GPX3: variants seen among roughly 807,000 people sequenced by gnomAD.
GPX3 encodes GPx-3.
Under a neutral mutation model 25.1 loss-of-function variants are expected in GPX3, and 22 were observed. That is an observed-to-expected ratio of 0.88 (90% CI 0.63 to 1.25). The LOEUF (loss-of-function observed/expected upper bound fraction) is 1.25. Ranked by LOEUF, GPX3 falls within the 50% of genes most tolerant of loss-of-function variation. GPX3 has a pLI of 0.00. For missense variants in GPX3, 278 were observed against 286.6 expected (o/e 0.97, Z 0.22); for synonymous variants, 110 against 114.5 (o/e 0.96, Z 0.25).
intron 4 of GPX3, 93 bp from the exon 5 acceptor site, chr5:151,027,816 T>C (rs553621726): frequency 9.1e-7 from 1 of 1,094,216 alleles, no homozygotes; most frequent in South Asian, 1.3e-5. Context: ...GGGGCTCTTT[T>C]CTCAGGGCCA....
chr5:151,023,901 C>T (rs1756511408), intron 1 of GPX3, among the ~76,000 whole-genome samples: 1 of 152,200 alleles, frequency 6.6e-6, no homozygotes, highest in African/African-American at 2.4e-5. Flanking sequence ...AGGGAATGGC[C>T]TGGCGGAGGA....
chr5:151,020,942 T>C (rs552934238), intron 1 of GPX3: 7 of 670,862 alleles, frequency 1.0e-5, no homozygotes, highest in East Asian at 8.4e-5. Flanking sequence ...GTTCCATCTG[T>C]TGGAGAGCCG....
chr5:151,023,940 T>C (rs1756511997), intron 1 of GPX3, among the ~76,000 whole-genome samples: 1 of 152,222 alleles, frequency 6.6e-6, no homozygotes, highest in South Asian at 2.1e-4. Flanking sequence ...TCAGCAGACC[T>C]GCTTCATGAC....
At chr5:151,020,853 A>C in intron 1 of GPX3, 112 bp downstream of exon 1, 2 of 1,023,548 alleles carry the variant, frequency 2.0e-6, no homozygotes, top group South Asian at 2.7e-5. Context: ...GGCAATCCCC[A>C]GGTGCGAGAG....
At position 151,021,738 on chromosome 5, in the gene GPX3, A is replaced by C. The variant is rs1756480067; in HGVS notation, c.87+997A>C. 3 of 152,632 alleles carry C rather than the reference A, an allele frequency of 2.0e-5. No individual in the cohort carries two copies. The South Asian group carries it at 6.2e-4, about 32-fold the overall frequency. 9.5% of individuals were successfully genotyped at this position (152,632 alleles called of 1,614,324 possible). A position where few individuals can be genotyped will look rare whatever the true frequency, so the allele number is the denominator to read the frequency against. ...GTATGTACTGGGGTGGGCTCTGTAG[A>C]CCTCTCCTCTACCCAGGGAGTGGGA... is the stretch of plus-strand genomic sequence containing the variant. On this transcript the variant is annotated intron_variant, in intron 1 of 4. Transcript: ENST00000388825.
At position 151,028,004 on chromosome 5, in the gene GPX3, G is replaced by A; in HGVS notation, c.555G>A (p.Lys185=). 6.2e-7 allele frequency: 1 copy of A among 1,614,244 alleles called. No individual in the cohort carries two copies. The highest frequency in any genetic ancestry group is 8.5e-7 in the Non-Finnish European group (1 of 1,180,040). Residue 185 remains lysine (K), a synonymous_variant, in exon 5 of 5, where the codon AAG becomes AAA. Coordinates refer to ENST00000388825, the MANE Select transcript of GPX3 (RefSeq NM_002084.5). ...KVHDIRWNFE[K]FLVGPDGIPI... is the part of the protein sequence containing the mutation. ...ACGACATCCGCTGGAACTTTGAGAA[G>A]TTCCTGGTGGGGCCAGATGGTATAC...
chr5:151,023,016 C>T (rs1014824001), intron 1 of GPX3, among the ~76,000 whole-genome samples: 3 of 152,022 alleles, frequency 2.0e-5, no homozygotes, highest in Non-Finnish European at 4.4e-5. Flanking sequence ...AGTAATAAGA[C>T]GGGAGAGGAG....
At chr5:151,026,757 T>C in intron 2 of GPX3, 143 bp from the exon 3 acceptor site, 1 of 652,856 alleles carries the variant, frequency 1.5e-6, no homozygotes, top group Non-Finnish European at 2.7e-6. Flanking sequence ...TGCTGTGAAC[T>C]CACTGGTGAT....
rs567754200 is a variant in GPX3, at chr5:151,025,606, C to A, written c.241+113C>A. ...GTGATGGCAATCACGAGAGTCCAAG[C>A]CCCTTTTCTCAGCTCCACTGTGTTC... On this transcript the variant is annotated intron_variant, in intron 2 of 4. Transcript: ENST00000388825. 56 of 895,612 alleles carry A rather than the reference C, an allele frequency of 6.3e-5. No homozygotes were observed. The African/African-American group carries it at 9.1e-4, about 14-fold the overall frequency. 55.5% of individuals were successfully genotyped at this position (895,612 alleles called of 1,614,324 possible).
chr5:151,027,345 C>T (rs1756565316), intron 3 of GPX3, 87 bp from the exon 4 acceptor site: 1 of 848,490 alleles, frequency 1.2e-6, no homozygotes, highest in Non-Finnish European at 2.0e-6. Context: ...AGACTCCCAA[C>T]ACCCTCTCCC....
intron 1 of GPX3, among the ~76,000 whole-genome samples, chr5:151,023,719 T>A (rs1181386845): frequency 6.6e-6 from 1 of 152,174 alleles, no homozygotes; most frequent in Non-Finnish European, 1.5e-5. Context: ...GTCTGCATTT[T>A]AAGGCGGAAC....
chr5:151,022,547 TAA>T (rs1451260285), intron 1 of GPX3, among the ~76,000 whole-genome samples: 4 of 152,086 alleles, frequency 2.6e-5, no homozygotes, highest in South Asian at 4.2e-4. Context: ...AACCCCAGGG[TAA>T]AGAGATAGGG....
chr5:151,023,497 C>T (rs1756506851), intron 1 of GPX3, among the ~76,000 whole-genome samples: 1 of 152,188 alleles, frequency 6.6e-6, no homozygotes, highest in African/African-American at 2.4e-5. Context: ...CTCCTTGCCA[C>T]ACCCCCAAGC....
intron 2 of GPX3, among the ~76,000 whole-genome samples, chr5:151,026,118 T>G (rs1374368028): frequency 1.3e-5 from 2 of 152,212 alleles, no homozygotes; most frequent in East Asian, 3.8e-4. Flanking sequence ...TTTCATGATC[T>G]CCTGATATGC....
chr5:151,028,053 A>G lies in GPX3; in HGVS notation c.604A>G (p.Thr202Ala). Residue 202 changes from threonine to alanine, a missense_variant, in exon 5 of 5, where the codon ACC becomes GCC. Transcript: ENST00000388825. ...ACCCATCATGCGCTGGCACCACCGG[A>G]CCACGGTCAGCAACGTCAAGATGGA... is the stretch of plus-strand genomic sequence containing the variant. Reference protein sequence around the residue: ...GIPIMRWHHRTTVSNVKMDIL... With the variant: ...GIPIMRWHHRATVSNVKMDIL... The G allele has an allele frequency of 6.2e-7, 1 of 1,613,800 alleles. No individual in the cohort carries two copies. The highest frequency in any genetic ancestry group is 8.5e-7 in the Non-Finnish European group (1 of 1,179,838).
chr5:151,023,025 A>C (rs573532477), intron 1 of GPX3, among the ~76,000 whole-genome samples: 1 of 152,202 alleles, frequency 6.6e-6, no homozygotes, highest in Non-Finnish European at 1.5e-5. Context: ...ACGGGAGAGG[A>C]GAAAGACACA....
intron 1 of GPX3, 30 bp from the exon 2 acceptor site, chr5:151,025,310 T>C: frequency 1.3e-6 from 2 of 1,517,728 alleles, no homozygotes; most frequent in South Asian, 1.3e-5. Context: ...TTTCCAGCTC[T>C]AACTGCTCCT....
intron 1 of GPX3, among the ~76,000 whole-genome samples, chr5:151,023,499 C>A (rs1756506882): frequency 6.6e-6 from 1 of 152,140 alleles, no homozygotes; most frequent in Non-Finnish European, 1.5e-5. Flanking sequence ...CCTTGCCACA[C>A]CCCCAAGCTG....
intron 3 of GPX3, 51 bp downstream of exon 3, chr5:151,027,068 C>A: frequency 8.3e-7 from 1 of 1,201,948 alleles, no homozygotes; most frequent in Non-Finnish European, 1.2e-6. Context: ...TGGCCCACAT[C>A]TTGTTATCAA....
Sources: allele counts gnomAD v4.1 joint callset (sites outside exome capture counted in the v4.1 genomes callset), GRCh38; gene constraint gnomAD v4.1.1; transcripts MANE v1.5; gene names NCBI Gene and HGNC (gene_info 2026-07-23, HGNC 2026-07-21).